The following ZNF800 variants were observed in gnomAD, a reference collection of about 807,000 sequenced individuals.
ZNF800 encodes the protein zinc finger protein 800.
A neutral mutation model predicts 59.5 loss-of-function variants in ZNF800; 13 were observed. The ratio of observed to expected loss-of-function variants is 0.22; its 90% CI spans 0.14 to 0.35. The LOEUF is 0.35. Ranked by LOEUF, ZNF800 falls within the 10% of genes least tolerant of loss-of-function variation. ZNF800 has a pLI of 1.00. For synonymous variants in ZNF800, 266 were observed against 265.7 expected, an observed-to-expected ratio of 1.00 and a Z score of -0.01; for missense variants, 621 against 783.7, an observed-to-expected ratio of 0.79 and a Z score of 2.48.
rs201012347 is a variant in ZNF800 at position 127,355,890 on chromosome 7, CACTT to C, written n.225-7851_225-7848del. ...AGGGCCCTGAGGTATGAGAAAATCACACTTACACAGGATGTTTGGTAACCATCTT... is the reference window on the plus strand; with the variant it reads ...AGGGCCCTGAGGTATGAGAAAATCACACACAGGATGTTTGGTAACCATCTT... On this transcript the variant is annotated intron_variant and non_coding_transcript_variant, in intron 1 of 1. Coordinates refer to the ZNF800 transcript ENST00000485577. Among the ~76,000 whole-genome samples, 968 of 152,072 alleles carry C rather than the reference CACTT, an allele frequency of 6.4e-3. 12 individuals carry two copies. Among genetic ancestry groups the C allele is most frequent in the African/African-American group, 0.018 (735 of 41,510 alleles).
intron 1 of ZNF800, chr7:127,362,560 T>C (rs1800415219): frequency 6.6e-6 from 1 of 152,108 alleles, no homozygotes; most frequent in Non-Finnish European, 1.5e-5. Context: ...ATTCAACAGA[T>C]ATGTTTTAAG....
Position 127,370,203 on chromosome 7 carries a change from T to C in ZNF800, c.*1611A>G, listed in dbSNP as rs892002375. 1 of 152,152 alleles carries C rather than the reference T, an allele frequency of 6.6e-6. No individual in the cohort carries two copies. The highest frequency in any genetic ancestry group is 2.4e-5 in the African/African-American group (1 of 41,440). The allele number at this position is 152,152 out of a possible 1,614,324, so 9.4% of individuals were successfully genotyped here. A position where few individuals can be genotyped will look rare whatever the true frequency, so the allele number is the denominator to read the frequency against. On this transcript the variant is annotated 3_prime_UTR_variant, in exon 6 of 6. Coordinates refer to ENST00000265827, the MANE Select transcript of ZNF800 (RefSeq NM_176814.5). The stretch of plus-strand genomic sequence containing the variant: ...AATATGTGGGAAAGTAAATCTGTTT[T>C]TAAATTAAAGAGAAATTATTACTCT...
At chr7:127,346,933 AGAG>A (rs1404979225) in exon 2 of ZNF800, 2 of 152,522 alleles carry the variant, frequency 1.3e-5, no homozygotes, top group African/African-American at 4.8e-5. Context: ...CTTGCTCATC[AGAG>A]GAGTCCTACA....
rs145643213 is a variant in ZNF800, at chr7:127,378,927, C to T, written c.158-1598G>A. Among the ~76,000 whole-genome samples the T allele has an allele frequency of 1.7e-3, 253 of 152,080 alleles. 1 individual carries two copies. The highest frequency in any genetic ancestry group is 5.9e-3 in the African/African-American group (244 of 41,500). On this transcript the variant is annotated intron_variant, in intron 3 of 5. Transcript: ENST00000265827. ...ATGTTGTAAAATAGAACAAACCTAA[C>T]CAAACCTAAGTTGAAGAATTATTAA... is the stretch of plus-strand genomic sequence containing the variant.
intron 1 of ZNF800, among the ~76,000 whole-genome samples, chr7:127,356,632 T>C (rs1302086104): frequency 2.0e-5 from 3 of 152,012 alleles, no homozygotes; most frequent in East Asian, 1.9e-4. Context: ...GTTAATATAA[T>C]TGTGTGTTAC....
chr7:127,384,526 G>A (rs1381634069), intron 3 of ZNF800, among the ~76,000 whole-genome samples: 1 of 151,732 alleles, frequency 6.6e-6, no homozygotes, highest in African/African-American at 2.4e-5. Context: ...GAGCCACCGC[G>A]CCCAGCCTAA....
At chr7:127,343,285 T>G (rs368243280), downstream of ZNF800, among the ~76,000 whole-genome samples, 7 of 151,582 alleles carry the variant, frequency 4.6e-5, no homozygotes, top group East Asian at 1.2e-3. Flanking sequence ...AATACTCAAG[T>G]GCTGGTTCCT....
downstream of ZNF800, among the ~76,000 whole-genome samples, chr7:127,369,520 T>A (rs998398735): frequency 3.3e-5 from 5 of 152,234 alleles, no homozygotes; most frequent in South Asian, 1.0e-3. Context: ...AGAAGAACAA[T>A]ACTTTGTGGT....
chr7:127,354,865 G>A (rs564878679), intron 1 of ZNF800, among the ~76,000 whole-genome samples: 5 of 152,004 alleles, frequency 3.3e-5, no homozygotes, highest in African/African-American at 4.8e-5. Context: ...TGGCTCAATC[G>A]AAGGTATATA....
At chr7:127,344,854 G>T (rs914616372), downstream of ZNF800, among the ~76,000 whole-genome samples, 1 of 151,888 alleles carries the variant, frequency 6.6e-6, no homozygotes, top group Admixed American at 6.6e-5. Flanking sequence ...TCCATTTGGA[G>T]TAAAAATTCA....
chr7:127,377,214 G>A lies in ZNF800; in HGVS notation c.273C>T (p.Tyr91=). 2 of 1,611,900 alleles carry A rather than the reference G, an allele frequency of 1.2e-6. No homozygotes were observed. Among genetic ancestry groups the A allele is most frequent in the Non-Finnish European group, 1.7e-6 (2 of 1,178,684 alleles). ...LPNLITHKKF[Y]CPPSLQMDDN... Reference sequence around the variant, plus strand: ...CATCCATCTGGAGACTTGGTGGGCAGTAGAATTTTTTATGGGTAATTAAAT... The same window carrying A: ...CATCCATCTGGAGACTTGGTGGGCAATAGAATTTTTTATGGGTAATTAAAT... The change falls in exon 4 of 6, where the codon TAC becomes TAT. Residue 91 remains tyrosine (Y), a synonymous_variant. Coordinates refer to ENST00000265827, the MANE Select transcript of ZNF800 (RefSeq NM_176814.5). This position sits in a 1 kb window ranked among gnomAD's most constrained non-coding sequence, Gnocchi z 4.7.
downstream of ZNF800, among the ~76,000 whole-genome samples, chr7:127,343,662 G>A (rs1800007376): frequency 2.0e-5 from 3 of 151,704 alleles, no homozygotes; most frequent in South Asian, 6.2e-4. Context: ...GCTGATAAAG[G>A]TAGAATTCAA....
Position 127,373,546 on chromosome 7 carries a change from C to T in ZNF800, c.1790G>A (p.Ser597Asn). The change falls in exon 5 of 6, where the codon AGT (serine) becomes AAT (asparagine). Residue 597 changes from serine to asparagine, a missense_variant. Coordinates refer to ENST00000265827, the MANE Select transcript of ZNF800 (RefSeq NM_176814.5). ...SKHDGTSNSP[S>N]KKYEVADVGI... ...GACGTCAGCTACTTCATACTTTTTA[C>T]TAGGAGAGTTAGAAGTGCCATCATG... is the stretch of plus-strand genomic sequence containing the variant. 1.2e-6 allele frequency: 2 copies of T among 1,614,118 alleles called. No individual in the cohort carries two copies. The highest frequency in any genetic ancestry group is 1.7e-6 in the Non-Finnish European group (2 of 1,180,022).
chr7:127,380,775 GCT>G (rs1262513911), intron 3 of ZNF800, among the ~76,000 whole-genome samples: 15 of 152,112 alleles, frequency 9.9e-5, no homozygotes, highest in Non-Finnish European at 2.1e-4. Context: ...TTCCTATATT[GCT>G]CTCTTTCTTG....
At chr7:127,360,702 A>T (rs992308627) in intron 1 of ZNF800, 3 of 152,098 alleles carry the variant, frequency 2.0e-5, no homozygotes, top group African/African-American at 7.2e-5. Context: ...CAAATACTCA[A>T]TTCAATCAAC....
chr7:127,378,505 G>C (rs1489940327), intron 3 of ZNF800, among the ~76,000 whole-genome samples: 8 of 152,062 alleles, frequency 5.3e-5, no homozygotes, highest in African/African-American at 1.9e-4. Context: ...TAGGTGCAAA[G>C]TGTTGTGTCA....
At position 127,377,362 on chromosome 7, in the gene ZNF800, A is replaced by G. The variant is rs1562906331; in HGVS notation, c.158-33T>C. On this transcript the variant is annotated intron_variant, in intron 3 of 5. Coordinates refer to ENST00000265827, the MANE Select transcript of ZNF800 (RefSeq NM_176814.5). This position sits in a 1 kb window ranked among gnomAD's most constrained non-coding sequence, Gnocchi z 4.7. ...AAAAAAGAAAAGAAAAACTTAACAC[A>G]AAAGGTAACTTTAACATGCACTTTT... The G allele has an allele frequency of 6.4e-7, 1 of 1,561,532 alleles. No individual in the cohort carries two copies. The highest frequency in any genetic ancestry group is 2.3e-5 in the East Asian group (1 of 44,402).
rs17869726 is a variant in ZNF800 at position 127,351,952 on chromosome 7, T to C, written n.225-3909A>G. ...GATCATCTCTTCCAACAGATTCACA[T>C]GACAGGTGGGGGAAATGTGGAGAAT... On this transcript the variant is annotated intron_variant and non_coding_transcript_variant, in intron 1 of 1. Transcript: ENST00000485577. Among the ~76,000 whole-genome samples the C allele has an allele frequency of 4.3e-3, 654 of 152,272 alleles. 5 individuals carry two copies. The highest frequency in any genetic ancestry group is 0.015 in the African/African-American group (625 of 41,550).
At chr7:127,367,104 G>T (rs1174153739), downstream of ZNF800, among the ~76,000 whole-genome samples, 2 of 152,012 alleles carry the variant, frequency 1.3e-5, no homozygotes, top group African/African-American at 4.8e-5. Flanking sequence ...TGCTCAGAGG[G>T]CAACATCCAG....
Sources: allele counts gnomAD v4.1 joint callset (sites outside exome capture counted in the v4.1 genomes callset), GRCh38; gene constraint gnomAD v4.1.1; non-coding constraint Gnocchi (gnomAD v3.1); transcripts MANE v1.5; gene names NCBI Gene and HGNC (gene_info 2026-07-23, HGNC 2026-07-21).